MAGI2: variants seen among roughly 807,000 people sequenced by gnomAD.
The protein encoded by MAGI2 is membrane-associated guanylate kinase, WW and PDZ domain-containing protein 2.
In MAGI2, 35 loss-of-function variants were observed where a neutral mutation model predicts 133.3. That is an observed-to-expected ratio of 0.26 (90% CI 0.20 to 0.35). MAGI2 has a LOEUF of 0.35. Ranked by LOEUF, MAGI2 falls within the 10% of genes least tolerant of loss-of-function variation. The pLI is 1.00. For synonymous variants in MAGI2, 729 were observed against 710.6 expected (o/e 1.03, Z -0.41); for missense variants, 1,636 against 1,863.4 (o/e 0.88, Z 2.25).
At chr7:78,644,115 T>C (rs2150995275) in intron 2 of MAGI2, among the ~76,000 whole-genome samples, 1 of 152,134 alleles carries the variant, frequency 6.6e-6, no homozygotes, top group South Asian at 2.1e-4. Flanking sequence ...AGGAGTCAAT[T>C]CCTTAACAGG....
At chr7:79,010,815 T>C (rs1385633715) in intron 1 of MAGI2, 1 of 152,128 alleles carries the variant, frequency 6.6e-6, no homozygotes, top group Non-Finnish European at 1.5e-5. Flanking sequence ...AATAAGACTG[T>C]AGACAAGTAT....
At chr7:79,248,897 C>A (rs943593411) in intron 1 of MAGI2, among the ~76,000 whole-genome samples, 2 of 151,536 alleles carry the variant, frequency 1.3e-5, no homozygotes, top group Non-Finnish European at 2.9e-5. Context: ...GAGATTTGCT[C>A]TTGTTGCCCA....
chr7:78,664,771 A>C (rs1487869871), intron 2 of MAGI2, among the ~76,000 whole-genome samples: 1 of 151,772 alleles, frequency 6.6e-6, no homozygotes, highest in Non-Finnish European at 1.5e-5. Flanking sequence ...AAAACAAAAA[A>C]ATAAGAAAAG....
chr7:78,052,667 GA>G (rs914782153), intron 21 of MAGI2, among the ~76,000 whole-genome samples: 9 of 152,212 alleles, frequency 5.9e-5, no homozygotes, highest in Admixed American at 2.6e-4. Flanking sequence ...GGCTACTGGG[GA>G]AAAAAATACT....
chr7:78,162,288 G>A (rs1825106502), intron 15 of MAGI2, among the ~76,000 whole-genome samples: 1 of 151,764 alleles, frequency 6.6e-6, no homozygotes, highest in East Asian at 1.9e-4. Flanking sequence ...CACTTTGGGA[G>A]GCTGAGGCGG....
intron 14 of MAGI2, among the ~76,000 whole-genome samples, chr7:78,173,837 T>A: frequency 6.6e-6 from 1 of 152,114 alleles, no homozygotes; most frequent in African/African-American, 2.4e-5. Context: ...CCAGGCTCAG[T>A]CTAAAAGGGG....
chr7:78,088,786 T>G (rs750032219), intron 20 of MAGI2, among the ~76,000 whole-genome samples: 1 of 152,210 alleles, frequency 6.6e-6, no homozygotes, highest in African/African-American at 2.4e-5. Flanking sequence ...CATCCCCAGA[T>G]GTCCACCTCC....
Position 78,548,506 on chromosome 7 carries a change from C to T in MAGI2, c.539-26861G>A, listed in dbSNP as rs117076319. On this transcript the variant is annotated intron_variant, in intron 3 of 21. Transcript: ENST00000354212. ...GGTCAGGAATTCCACATCAGCCTGGCCAACATGGTGAAACCCCGTCTCTAT... is the reference window on the plus strand; with the variant it reads ...GGTCAGGAATTCCACATCAGCCTGGTCAACATGGTGAAACCCCGTCTCTAT... Among the ~76,000 whole-genome samples the T allele has an allele frequency of 3.0e-3, 450 of 152,202 alleles. 4 individuals are homozygous for T. In the East Asian group the frequency reaches 0.042, roughly 14 times the overall value.
intron 13 of MAGI2, 162 bp downstream of exon 13, chr7:78,185,467 C>T: frequency 2.2e-6 from 1 of 454,918 alleles, no homozygotes; most frequent in Non-Finnish European, 3.9e-6. Flanking sequence ...TTAGGCTCAC[C>T]ATGATGAGAC....
At chr7:78,820,316 A>C (rs1789982141) in intron 2 of MAGI2, among the ~76,000 whole-genome samples, 1 of 152,002 alleles carries the variant, frequency 6.6e-6, no homozygotes, top group Non-Finnish European at 1.5e-5. Flanking sequence ...AATTATAATC[A>C]TAAGAATGAT....
chr7:78,372,308 C>T (rs1355672003), intron 6 of MAGI2, among the ~76,000 whole-genome samples: 3 of 152,096 alleles, frequency 2.0e-5, no homozygotes, highest in Admixed American at 2.0e-4. Flanking sequence ...TAAGAATTAT[C>T]TTTCACTGTG....
At chr7:78,928,132 G>T (rs113623849) in intron 2 of MAGI2, among the ~76,000 whole-genome samples, 1 of 151,754 alleles carries the variant, frequency 6.6e-6, no homozygotes, top group Non-Finnish European at 1.5e-5. Context: ...TATAGCATAG[G>T]ATTTTCACAT....
chr7:78,998,457 G>A (rs1476803327), intron 2 of MAGI2, among the ~76,000 whole-genome samples: 2 of 152,068 alleles, frequency 1.3e-5, no homozygotes, highest in Non-Finnish European at 2.9e-5. Context: ...CTTTGCCAAG[G>A]CCCTATAATG....
intron 2 of MAGI2, among the ~76,000 whole-genome samples, chr7:78,670,090 G>A (rs1336220089): frequency 2.0e-5 from 3 of 151,496 alleles, no homozygotes; most frequent in African/African-American, 4.9e-5. Flanking sequence ...GGCAGGAGAA[G>A]GAAATAAAAG....
intron 2 of MAGI2, among the ~76,000 whole-genome samples, chr7:78,698,829 C>T (rs1457216266): frequency 6.6e-6 from 1 of 152,062 alleles, no homozygotes; most frequent in Non-Finnish European, 1.5e-5. Context: ...TGAGAACTCA[C>T]TATCAGAAGA....
chr7:79,329,961 A>T (rs1427731359), intron 1 of MAGI2, among the ~76,000 whole-genome samples: 1 of 152,110 alleles, frequency 6.6e-6, no homozygotes, highest in Non-Finnish European at 1.5e-5. Flanking sequence ...TTATGCAAAG[A>T]CCTACAGCTG....
At chr7:78,200,604 T>C (rs1852005) in intron 11 of MAGI2, among the ~76,000 whole-genome samples, 138,019 of 152,180 alleles carry the variant, frequency 0.91, 62,967 homozygotes, top group East Asian at 1. Flanking sequence ...CATATATATA[T>C]ACACAAAGAC....
chr7:79,341,831 G>C (rs973127216), intron 1 of MAGI2, among the ~76,000 whole-genome samples: 1 of 152,120 alleles, frequency 6.6e-6, no homozygotes, highest in African/African-American at 2.4e-5. Flanking sequence ...TCCAATGTCT[G>C]TCTTAACTTC....
intron 3 of MAGI2, among the ~76,000 whole-genome samples, chr7:78,573,035 G>GTATATA (rs765938732): frequency 4.5e-3 from 141 of 31,622 alleles, no homozygotes; most frequent in Middle Eastern, 0.038. Flanking sequence ...GCATATGTAT[G>GTATATA]TATATATATA....
Sources: allele counts gnomAD v4.1 joint callset (sites outside exome capture counted in the v4.1 genomes callset), GRCh38; gene constraint gnomAD v4.1.1; transcripts MANE v1.5; gene names NCBI Gene and HGNC (gene_info 2026-07-23, HGNC 2026-07-21).